XIRP2: variants seen among roughly 807,000 people sequenced by gnomAD.
The protein encoded by XIRP2 is xin actin-binding repeat-containing protein 2.
Under a neutral mutation model 277.0 loss-of-function variants are expected in XIRP2, and 236 were observed. The observed-to-expected ratio is 0.85, with a 90% CI of 0.77 to 0.95. The LOEUF (loss-of-function observed/expected upper bound fraction) is 0.95, where lower values mean the gene tolerates loss of function less well. XIRP2 is among the 40% of genes least tolerant of loss of function. The probability of loss-of-function intolerance (pLI) is 0.00; values close to 1 mark genes in which losing one functional copy is unlikely to be tolerated. For missense variants in XIRP2, 4,640 were observed against 4,157.5 expected, an observed-to-expected ratio of 1.12 and a Z score of -3.19; for synonymous variants, 1,490 against 1,416.5, an observed-to-expected ratio of 1.05 and a Z score of -1.17.
At chr2:167,155,366 A>C (rs1284994398) in intron 3 of XIRP2, among the ~76,000 whole-genome samples, 1 of 151,736 alleles carries the variant, frequency 6.6e-6, no homozygotes, top group Non-Finnish European at 1.5e-5. Context: ...TGGCAAACCG[A>C]ATCCAGCAGC....
At chr2:166,918,939 G>GT (rs1361661260) in intron 2 of XIRP2, among the ~76,000 whole-genome samples, 1 of 151,976 alleles carries the variant, frequency 6.6e-6, no homozygotes, top group African/African-American at 2.4e-5. Flanking sequence ...CTCTGACTAA[G>GT]TCCTTTCTCT....
chr2:167,254,928 A>G (rs998449542), intron 10 of XIRP2, among the ~76,000 whole-genome samples: 3 of 150,694 alleles, frequency 2.0e-5, no homozygotes, highest in African/African-American at 7.3e-5. Flanking sequence ...TTTTGGCTAA[A>G]TCTAATGTGC....
intron 2 of XIRP2, among the ~76,000 whole-genome samples, chr2:167,131,771 G>A (rs1044794470): frequency 2.1e-4 from 32 of 151,956 alleles, no homozygotes; most frequent in African/African-American, 7.5e-4. Flanking sequence ...CAATTACCAC[G>A]GAAGGCAGAT....
chr2:167,232,015 A>G (rs1038876002), intron 5 of XIRP2, among the ~76,000 whole-genome samples: 17 of 151,952 alleles, frequency 1.1e-4, no homozygotes, highest in Admixed American at 5.9e-4. Context: ...TTCTTGAGAT[A>G]CACTCTCCAC....
At chr2:166,942,618 C>A (rs1274616215) in intron 2 of XIRP2, among the ~76,000 whole-genome samples, 1 of 152,160 alleles carries the variant, frequency 6.6e-6, no homozygotes, top group Non-Finnish European at 1.5e-5. Context: ...CATTTAAAGA[C>A]CATTGTTATT....
intron 2 of XIRP2, among the ~76,000 whole-genome samples, chr2:167,052,245 C>T (rs765668903): frequency 6.6e-6 from 1 of 151,228 alleles, no homozygotes; most frequent in African/African-American, 2.4e-5. Context: ...AGCCCAATAT[C>T]ACTAATATTT....
intron 2 of XIRP2, among the ~76,000 whole-genome samples, chr2:166,977,432 C>T (rs1686744275): frequency 6.6e-6 from 1 of 152,040 alleles, no homozygotes; most frequent in Non-Finnish European, 1.5e-5. Flanking sequence ...TGAAAATCAT[C>T]AATAAAAAAT....
At chr2:167,149,540 T>C (rs1380331750) in intron 3 of XIRP2, among the ~76,000 whole-genome samples, 1 of 152,164 alleles carries the variant, frequency 6.6e-6, no homozygotes, top group Non-Finnish European at 1.5e-5. Flanking sequence ...GATAGACTAG[T>C]CGGTGAATTA....
chr2:167,248,376 A>C lies in XIRP2; in HGVS notation c.6984A>C (p.Ser2328=), dbSNP rs1377659346. 7 of 1,613,436 alleles carry C rather than the reference A, an allele frequency of 4.3e-6. No individual in the cohort carries two copies. The highest frequency in any genetic ancestry group is 5.1e-6 in the Non-Finnish European group (6 of 1,179,778). ...MFPEKNGFLP[S]LSTEKIKAEF... is the part of the protein sequence containing the mutation. ...CTGAAAAAAATGGGTTTCTTCCCTC[A>C]CTGTCCACAGAGAAGATAAAGGCTG... Residue 2328 remains serine, a synonymous_variant, in exon 9 of 11, where the codon TCA becomes TCC. Coordinates refer to ENST00000409195, the MANE Select transcript of XIRP2 (RefSeq NM_152381.6).
intron 2 of XIRP2, among the ~76,000 whole-genome samples, chr2:167,122,275 T>C (rs1025210855): frequency 2.6e-5 from 4 of 152,136 alleles, no homozygotes; most frequent in East Asian, 1.9e-4. Context: ...CAACCAAAAA[T>C]GGGGTAAGAA....
intron 2 of XIRP2, among the ~76,000 whole-genome samples, chr2:166,909,389 G>A (rs1389912716): frequency 6.6e-6 from 1 of 152,124 alleles, no homozygotes; most frequent in Non-Finnish European, 1.5e-5. Context: ...TTGTGAATGG[G>A]AGTTCACTCA....
At chr2:166,967,086 T>G (rs1686452713) in intron 2 of XIRP2, among the ~76,000 whole-genome samples, 1 of 151,928 alleles carries the variant, frequency 6.6e-6, no homozygotes, top group African/African-American at 2.4e-5. Context: ...AAAATGTCAT[T>G]CTCCATTGGC....
At chr2:166,891,508 C>T (rs2105324883) in intron 1 of XIRP2, among the ~76,000 whole-genome samples, 1 of 152,038 alleles carries the variant, frequency 6.6e-6, no homozygotes, top group South Asian at 2.1e-4. Flanking sequence ...TAAGTTTTTT[C>T]CTTAATATTG....
At chr2:167,084,068 G>C (rs1297055547) in intron 2 of XIRP2, among the ~76,000 whole-genome samples, 1 of 151,920 alleles carries the variant, frequency 6.6e-6, no homozygotes, top group Non-Finnish European at 1.5e-5. Context: ...TATGATATTG[G>C]CTGTGGGTTT....
At chr2:167,095,851 CTTTTTTTTTTTTTTTTTTTTTTTTTT>C (rs60405920) in intron 2 of XIRP2, among the ~76,000 whole-genome samples, 1 of 47,244 alleles carries the variant, frequency 2.1e-5, no homozygotes, top group Non-Finnish European at 4.8e-5. Context: ...AGGCGTCACT[CTTTTTTTTTTTTTTTTTTTTTTTTTT>C]TTTTTTTTTT....
chr2:167,050,026 A>G (rs979983888), intron 2 of XIRP2, among the ~76,000 whole-genome samples: 2 of 152,068 alleles, frequency 1.3e-5, no homozygotes, highest in Non-Finnish European at 2.9e-5. Context: ...GTTGCCATAC[A>G]TTATGATTAT....
chr2:167,053,379 T>C (rs895351211), intron 2 of XIRP2, among the ~76,000 whole-genome samples: 1 of 152,324 alleles, frequency 6.6e-6, no homozygotes, highest in South Asian at 2.1e-4. Context: ...AATGTTCTCT[T>C]GTCTTTCAAT....
intron 2 of XIRP2, among the ~76,000 whole-genome samples, chr2:167,069,590 T>C (rs984239405): frequency 2.0e-5 from 3 of 152,068 alleles, no homozygotes; most frequent in Non-Finnish European, 4.4e-5. Flanking sequence ...TTTGGAAAAA[T>C]TGAGAAGGAA....
At chr2:167,100,718 G>A (rs1242382394) in intron 2 of XIRP2, among the ~76,000 whole-genome samples, 1 of 152,174 alleles carries the variant, frequency 6.6e-6, no homozygotes, top group Non-Finnish European at 1.5e-5. Flanking sequence ...TGGTTGACAT[G>A]AAATCAAACT....
Sources: allele counts gnomAD v4.1 joint callset (sites outside exome capture counted in the v4.1 genomes callset), GRCh38; gene constraint gnomAD v4.1.1; transcripts MANE v1.5; gene names NCBI Gene and HGNC (gene_info 2026-07-23, HGNC 2026-07-21).